ESRRG: variants seen among roughly 807,000 people sequenced by gnomAD.
The protein encoded by ESRRG is estrogen related receptor gamma, also known as estrogen-related receptor gamma.
A neutral mutation model predicts 44.0 loss-of-function variants in ESRRG; 13 were observed. The observed-to-expected ratio is 0.30, with a 90% CI of 0.19 to 0.47. The LOEUF is 0.47. Ranked by LOEUF, ESRRG falls within the 20% of genes least tolerant of loss-of-function variation. The probability of loss-of-function intolerance (pLI) is 1.00; values close to 1 mark genes in which losing one functional copy is unlikely to be tolerated. For missense variants in ESRRG, 395 were observed against 580.6 expected, an observed-to-expected ratio of 0.68 and a Z score of 3.29; for synonymous variants, 215 against 214.6, an observed-to-expected ratio of 1.00 and a Z score of -0.02.
intron 1 of ESRRG, among the ~76,000 whole-genome samples, chr1:216,678,600 G>C (rs1369704179): frequency 6.6e-6 from 1 of 152,100 alleles, no homozygotes; most frequent in Admixed American, 6.5e-5. Context: ...TCTCACAAGT[G>C]ACCGAATTTC....
At chr1:216,682,511 A>G (rs1371111322) in intron 1 of ESRRG, among the ~76,000 whole-genome samples, 1 of 152,160 alleles carries the variant, frequency 6.6e-6, no homozygotes, top group African/African-American at 2.4e-5. Flanking sequence ...AAGAGTCCTC[A>G]GCTCCTCTGT....
intron 1 of ESRRG, among the ~76,000 whole-genome samples, chr1:217,056,547 C>T (rs1244022089): frequency 6.6e-6 from 1 of 151,812 alleles, no homozygotes; most frequent in Non-Finnish European, 1.5e-5. Context: ...GAAAGCCCTT[C>T]TGTGGGCCCA....
intron 2 of ESRRG, among the ~76,000 whole-genome samples, chr1:216,779,298 T>A (rs376087105): frequency 0.025 from 602 of 23,922 alleles, 34 homozygotes; most frequent in African/African-American, 0.08. Context: ...ATATTTATAT[T>A]TATAAACATT....
chr1:216,723,131 G>T (rs901517763), intron 1 of ESRRG, 113 bp downstream of exon 1: 3 of 847,472 alleles, frequency 3.5e-6, no homozygotes, highest in African/African-American at 3.4e-5. Flanking sequence ...AAGCAGTCGT[G>T]CACACAAAAT....
chr1:216,697,329 C>G (rs1302318465), intron 1 of ESRRG, among the ~76,000 whole-genome samples: 1 of 152,154 alleles, frequency 6.6e-6, no homozygotes, highest in African/African-American at 2.4e-5. Flanking sequence ...TTTTGTAATA[C>G]AAATCCAAAC....
chr1:217,110,209 G>C (rs6604655), intron 1 of ESRRG, among the ~76,000 whole-genome samples: 24,727 of 152,090 alleles, frequency 0.16, 2,265 homozygotes, highest in Middle Eastern at 0.24. Context: ...CAAAATTGTT[G>C]TCAGTGCAGC....
chr1:216,659,705 C>T (rs1267419336), intron 2 of ESRRG, among the ~76,000 whole-genome samples: 1 of 152,108 alleles, frequency 6.6e-6, no homozygotes, highest in African/African-American at 2.4e-5. Context: ...GTGAGATGAT[C>T]CCAGGGCTCC....
intron 1 of ESRRG, among the ~76,000 whole-genome samples, chr1:217,067,224 C>T (rs963207717): frequency 6.6e-6 from 1 of 152,144 alleles, no homozygotes; most frequent in Non-Finnish European, 1.5e-5. Flanking sequence ...GTCTGTGCAA[C>T]ATAGCAAATG....
intron 5 of ESRRG, among the ~76,000 whole-genome samples, chr1:216,543,443 C>A (rs2053495320): frequency 6.6e-6 from 1 of 151,968 alleles, no homozygotes; most frequent in Non-Finnish European, 1.5e-5. Flanking sequence ...CTGCCTTGAA[C>A]CTCAAGGTTT....
intron 1 of ESRRG, among the ~76,000 whole-genome samples, chr1:217,080,771 G>A (rs1358544787): frequency 2.0e-5 from 3 of 149,672 alleles, no homozygotes; most frequent in East Asian, 4.0e-4. Flanking sequence ...TTCGCCTCCC[G>A]GGTTCACACC....
At chr1:217,076,009 T>C (rs561215672) in intron 1 of ESRRG, among the ~76,000 whole-genome samples, 2 of 152,194 alleles carry the variant, frequency 1.3e-5, no homozygotes, top group South Asian at 2.1e-4. Context: ...TGTACAATGA[T>C]GCATCTATTC....
intron 1 of ESRRG, chr1:216,715,251 T>A (rs2084595451): frequency 1.0e-6 from 1 of 985,276 alleles, no homozygotes; most frequent in East Asian, 1.1e-4. Context: ...CATTCAAGTC[T>A]ATGGATAAAA....
upstream of ESRRG, among the ~76,000 whole-genome samples, chr1:216,726,894 A>G (rs767102797): frequency 1.3e-5 from 2 of 152,236 alleles, no homozygotes; most frequent in African/African-American, 4.8e-5. Context: ...AGTGGAAACA[A>G]CAGGAAGATT....
intron 2 of ESRRG, among the ~76,000 whole-genome samples, chr1:216,820,732 G>A (rs947708183): frequency 1.3e-5 from 2 of 152,142 alleles, no homozygotes; most frequent in African/African-American, 4.8e-5. Context: ...GTTCTTATTA[G>A]GGTTAATAAA....
chr1:216,530,552 G>C (rs1342149532), intron 5 of ESRRG, among the ~76,000 whole-genome samples: 1 of 152,088 alleles, frequency 6.6e-6, no homozygotes, highest in African/African-American at 2.4e-5. Flanking sequence ...GTTTGTGAAG[G>C]CCTCACCTAC....
chr1:217,011,683 C>T (rs1424671705), intron 1 of ESRRG, among the ~76,000 whole-genome samples: 1 of 152,130 alleles, frequency 6.6e-6, no homozygotes, highest in Non-Finnish European at 1.5e-5. Context: ...TGCACAAACA[C>T]ACACCTCACT....
chr1:216,571,619 C>T (rs529069551), intron 3 of ESRRG, among the ~76,000 whole-genome samples: 3 of 152,242 alleles, frequency 2.0e-5, no homozygotes, highest in Admixed American at 2.0e-4. Context: ...CACATCCCTT[C>T]CTGTGTGTGT....
chr1:216,862,137 G>A (rs2149104705), intron 2 of ESRRG: 1 of 152,042 alleles, frequency 6.6e-6, no homozygotes, highest in East Asian at 1.9e-4. Context: ...TTTCTGAAAA[G>A]TTAAACATAC....
At chr1:216,936,692 T>C (rs1443111197) in intron 2 of ESRRG, 2 of 151,476 alleles carry the variant, frequency 1.3e-5, no homozygotes, top group African/African-American at 4.9e-5. Flanking sequence ...AACTTTTCTC[T>C]CACGGACCTT....
Sources: allele counts gnomAD v4.1 joint callset (sites outside exome capture counted in the v4.1 genomes callset), GRCh38; gene constraint gnomAD v4.1.1; transcripts MANE v1.5; gene names NCBI Gene and HGNC (gene_info 2026-07-23, HGNC 2026-07-21).